Variants in NCAM2 observed in about 807,000 individuals in gnomAD.
NCAM2 encodes the protein N-CAM-2.
NCAM2 carries 30 observed loss-of-function variants against 98.1 expected under a neutral mutation model. The ratio of observed to expected loss-of-function variants is 0.31; its 90% CI spans 0.23 to 0.41. The LOEUF (loss-of-function observed/expected upper bound fraction) is 0.41, where lower values mean the gene tolerates loss of function less well. Ranked by LOEUF, NCAM2 falls within the 10% of genes least tolerant of loss-of-function variation. The pLI is 1.00. For synonymous variants in NCAM2, 368 were observed against 342.4 expected, an observed-to-expected ratio of 1.07 and a Z score of -0.83; for missense variants, 867 against 1,005.8, an observed-to-expected ratio of 0.86 and a Z score of 1.87.
chr21:21,038,623 C>T (rs974605808), intron 1 of NCAM2, among the ~76,000 whole-genome samples: 21 of 152,184 alleles, frequency 1.4e-4, no homozygotes, highest in African/African-American at 5.1e-4. Context: ...TTTGCTTCTC[C>T]TTCCACCAAG....
At chr21:21,069,661 A>G (rs1002220644) in intron 1 of NCAM2, among the ~76,000 whole-genome samples, 15 of 151,760 alleles carry the variant, frequency 9.9e-5, no homozygotes, top group Admixed American at 9.2e-4. Context: ...GGACTAGGTT[A>G]ATACCATGAT....
At chr21:21,039,877 GA>G (rs148799889) in intron 1 of NCAM2, among the ~76,000 whole-genome samples, 1 of 152,228 alleles carries the variant, frequency 6.6e-6, no homozygotes, top group East Asian at 1.9e-4. Flanking sequence ...TCAGATCAGG[GA>G]AGCATATTAA....
intron 1 of NCAM2, among the ~76,000 whole-genome samples, chr21:21,178,021 A>G (rs1326768150): frequency 6.6e-6 from 1 of 152,168 alleles, no homozygotes; most frequent in African/African-American, 2.4e-5. Flanking sequence ...TTTAGATGGA[A>G]TAGGAATTAA....
intron 1 of NCAM2, among the ~76,000 whole-genome samples, chr21:21,122,783 G>C (rs1487865778): frequency 6.6e-6 from 1 of 152,194 alleles, no homozygotes; most frequent in Admixed American, 6.5e-5. Flanking sequence ...CTGAGCCATT[G>C]TGACTTTGGC....
intron 11 of NCAM2, among the ~76,000 whole-genome samples, chr21:21,428,589 A>C (rs972680782): frequency 1.3e-5 from 2 of 152,252 alleles, no homozygotes; most frequent in Non-Finnish European, 2.9e-5. Flanking sequence ...GCATCACAGG[A>C]AAAGTCAGAT....
intron 15 of NCAM2, among the ~76,000 whole-genome samples, chr21:21,485,847 GAGAT>G (rs1010863679): frequency 6.6e-6 from 1 of 152,128 alleles, no homozygotes; most frequent in Non-Finnish European, 1.5e-5. Flanking sequence ...TCTTTTTAAA[GAGAT>G]AGCTACAGAA....
At chr21:21,168,664 A>G (rs2146828423) in intron 1 of NCAM2, among the ~76,000 whole-genome samples, 1 of 145,696 alleles carries the variant, frequency 6.9e-6, no homozygotes, top group Admixed American at 7.0e-5. Flanking sequence ...CAATAACCAA[A>G]TAAAATTTGA....
At chr21:21,062,390 A>G (rs541478092) in intron 1 of NCAM2, among the ~76,000 whole-genome samples, 1 of 152,280 alleles carries the variant, frequency 6.6e-6, no homozygotes, top group South Asian at 2.1e-4. Context: ...AATCACAGTA[A>G]TACAATCATG....
chr21:21,539,653 CA>C lies in NCAM2; in HGVS notation c.*1699del. The C allele has an allele frequency of 1.3e-5, 2 of 152,128 alleles. No homozygotes were observed. Among genetic ancestry groups the C allele is most frequent in the East Asian group, 3.9e-4 (2 of 5,182 alleles). The allele number at this position is 152,128 out of a possible 1,614,324, so 9.4% of individuals were successfully genotyped here. A position where few individuals can be genotyped will look rare whatever the true frequency, so the allele number is the denominator to read the frequency against. ...TATGACCATCTTCGTTTGAAGGCAC[CA>C]AATCGTCGCAGTGTCTTTGCCATAA... On this transcript the variant is annotated 3_prime_UTR_variant, in exon 18 of 18. Transcript: ENST00000400546.
At chr21:21,204,933 C>T (rs1601640162) in intron 1 of NCAM2, among the ~76,000 whole-genome samples, 1 of 152,186 alleles carries the variant, frequency 6.6e-6, no homozygotes, top group East Asian at 1.9e-4. Flanking sequence ...CTCTTTGCCT[C>T]CTTTGTGTAA....
At chr21:21,415,085 A>G (rs1203113176) in intron 10 of NCAM2, among the ~76,000 whole-genome samples, 2 of 152,054 alleles carry the variant, frequency 1.3e-5, no homozygotes, top group African/African-American at 4.8e-5. Context: ...ATTTAGCATA[A>G]TTCTTAAAGA....
chr21:21,385,181 T>C (rs2076240717), intron 9 of NCAM2, among the ~76,000 whole-genome samples: 1 of 152,098 alleles, frequency 6.6e-6, no homozygotes, highest in African/African-American at 2.4e-5. Context: ...TGGTTTGTTA[T>C]TAGATATTTT....
intron 12 of NCAM2, among the ~76,000 whole-genome samples, chr21:21,437,130 A>G (rs535397987): frequency 6.6e-6 from 1 of 152,222 alleles, no homozygotes. Flanking sequence ...AGATTAACAC[A>G]CTTTTGAAAA....
intron 12 of NCAM2, 67 bp downstream of exon 12, chr21:21,432,348 C>G (rs1252074865): frequency 7.6e-6 from 11 of 1,441,788 alleles, no homozygotes; most frequent in Non-Finnish European, 1.0e-5. Flanking sequence ...GTATGATTGG[C>G]TTTTTCGGTT....
intron 1 of NCAM2, among the ~76,000 whole-genome samples, chr21:21,077,235 G>A (rs2065698914): frequency 6.6e-6 from 1 of 152,180 alleles, no homozygotes; most frequent in African/African-American, 2.4e-5. Flanking sequence ...ATTATTTAAT[G>A]TAAATTATGT....
At chr21:21,077,421 C>T (rs1244325928) in intron 1 of NCAM2, among the ~76,000 whole-genome samples, 3 of 152,152 alleles carry the variant, frequency 2.0e-5, no homozygotes, top group Non-Finnish European at 4.4e-5. Context: ...GAAGCATCTA[C>T]TGGTCATTGT....
chr21:21,176,006 C>T (rs940611149), intron 1 of NCAM2, among the ~76,000 whole-genome samples: 3 of 152,096 alleles, frequency 2.0e-5, no homozygotes, highest in Admixed American at 6.5e-5. Flanking sequence ...CTTTCAGAAA[C>T]GTCCAGTATT....
At chr21:21,311,633 G>A (rs905143675) in intron 5 of NCAM2, among the ~76,000 whole-genome samples, 2 of 152,044 alleles carry the variant, frequency 1.3e-5, no homozygotes, top group Non-Finnish European at 2.9e-5. Context: ...GATCCACTGC[G>A]CCCGGCCCAT....
chr21:21,493,465 C>T (rs925741899), intron 15 of NCAM2, among the ~76,000 whole-genome samples: 1 of 151,840 alleles, frequency 6.6e-6, no homozygotes, highest in Non-Finnish European at 1.5e-5. Context: ...ACCATCTACC[C>T]CAGTCAGGCA....
Sources: gnomAD v4.1 joint callset for allele counts (sites outside exome capture counted in the v4.1 genomes callset) on GRCh38, gnomAD v4.1.1 for gene constraint, MANE v1.5 for transcripts, NCBI Gene and HGNC (gene_info 2026-07-23, HGNC 2026-07-21) for gene names.